MLF1: variants seen among roughly 807,000 people sequenced by gnomAD.
MLF1 encodes myeloid leukemia factor 1, also known as myelodysplasia-myeloid leukemia factor 1.
Under a neutral mutation model 38.3 loss-of-function variants are expected in MLF1, and 37 were observed. That is an observed-to-expected ratio of 0.96 (90% CI 0.74 to 1.27). MLF1 has a LOEUF of 1.27. Among genes scored for constraint, MLF1 ranks in the 50% most tolerant of loss-of-function variants. MLF1 has a pLI of 0.00. For synonymous variants in MLF1, 95 were observed against 106.5 expected (o/e 0.89, Z 0.66); for missense variants, 331 against 349.2 (o/e 0.95, Z 0.42).
rs1560104824 is a variant in MLF1, at chr3:158,590,836, C to T, written c.48-1598C>T. 6.7e-6 allele frequency: 3 copies of T among 449,210 alleles called. No individual in the cohort carries two copies. In the Admixed American group the frequency reaches 7.4e-5, roughly 11 times the overall value. The allele number at this position is 449,210 out of a possible 1,614,324, so 27.8% of individuals were successfully genotyped here. On this transcript the variant is annotated intron_variant, in intron 1 of 7. Transcript: ENST00000466246. ...ACTGCACTTTTTAAAATTCATCAAA[C>T]TGTACAACAAAATTGGTAAATTTCG...
Position 158,596,852 on chromosome 3 carries a change from T to A in MLF1, c.241-10T>A. The stretch of plus-strand genomic sequence containing the variant: ...CTACAGTTAATAACATACTTCCTGA[T>A]ATTCTGTAGCATACAGATGTCAGCT... On this transcript the variant is annotated splice_polypyrimidine_tract_variant and intron_variant, in intron 3 of 7. Coordinates refer to ENST00000466246, the MANE Select transcript of MLF1 (RefSeq NM_001369783.1). 1 of 1,581,486 alleles carries A rather than the reference T, an allele frequency of 6.3e-7. No individual in the cohort carries two copies. Among genetic ancestry groups the A allele is most frequent in the Non-Finnish European group, 8.7e-7 (1 of 1,154,160 alleles).
At chr3:158,604,992 A>T in intron 7 of MLF1, 105 bp from the exon 8 acceptor site, 1 of 872,572 alleles carries the variant, frequency 1.1e-6, no homozygotes, top group Non-Finnish European at 1.7e-6. Flanking sequence ...AATTTTTAAG[A>T]TAAAACTTTT....
rs199951975 is a variant in MLF1, at chr3:158,598,159, C to T, written c.404C>T (p.Pro135Leu). ...VMTYSKIGDE[P>L]PKVFQASTQT... Reference sequence around the variant, plus strand: ...ACTTATTCCAAAATAGGAGATGAACCGCCAAAGGTTTTTCAGGCCTCAACT... The same window carrying T: ...ACTTATTCCAAAATAGGAGATGAACTGCCAAAGGTTTTTCAGGCCTCAACT... The change falls in exon 5 of 8, where the codon CCG becomes CTG. Residue 135 changes from proline (P) to leucine (L), a missense_variant. Transcript: ENST00000466246. 4 of 1,613,816 alleles carry T rather than the reference C, an allele frequency of 2.5e-6. No individual in the cohort carries two copies. The highest frequency in any genetic ancestry group is 4.5e-5 in the East Asian group (2 of 44,852).
chr3:158,583,076 A>G (rs1319449053), intron 1 of MLF1: 12 of 508,380 alleles, frequency 2.4e-5, no homozygotes, highest in Admixed American at 4.0e-5. Context: ...CCAAGTGTAT[A>G]TCCCGGCCTT....
chr3:158,592,645 C>T, intron 2 of MLF1, 64 bp downstream of exon 2: 1 of 1,287,142 alleles, frequency 7.8e-7, no homozygotes, highest in Admixed American at 2.0e-5. Context: ...AAAAGTATTA[C>T]AGAAGTATAT....
chr3:158,574,708 T>C (rs1231773736), intron 1 of MLF1, among the ~76,000 whole-genome samples: 2 of 151,176 alleles, frequency 1.3e-5, no homozygotes, highest in Non-Finnish European at 2.9e-5. Flanking sequence ...AAAAAGAATA[T>C]TTAGCCAGAG....
intron 1 of MLF1, chr3:158,591,098 A>G (rs1718051048): frequency 1.9e-6 from 1 of 514,814 alleles, no homozygotes; most frequent in Non-Finnish European, 3.9e-6. Context: ...AGCAGAAGAC[A>G]GAATTTTTGA....
intron 3 of MLF1, among the ~76,000 whole-genome samples, chr3:158,594,986 C>T (rs550479523): frequency 2.4e-4 from 36 of 152,086 alleles, no homozygotes; most frequent in African/African-American, 7.7e-4. Flanking sequence ...TCATTCATTC[C>T]GCAAATATTT....
At chr3:158,574,684 C>CAA (rs59567882) in intron 1 of MLF1, among the ~76,000 whole-genome samples, 3 of 108,818 alleles carry the variant, frequency 2.8e-5, no homozygotes, top group South Asian at 2.9e-4. Context: ...AACACTGTCT[C>CAA]AAAAAAAAAA....
chr3:158,582,517 C>CA (rs898486931), intron 1 of MLF1: 122 of 207,218 alleles, frequency 5.9e-4, no homozygotes, highest in African/African-American at 6.8e-4. Flanking sequence ...AGAATAAATG[C>CA]AAAAAAAAAT....
At chr3:158,596,979 T>TG in intron 4 of MLF1, 34 bp downstream of exon 4, 3 of 1,358,612 alleles carry the variant, frequency 2.2e-6, no homozygotes, top group Non-Finnish European at 3.1e-6. Flanking sequence ...GAGAACATTG[T>TG]GTATACTTTG....
intron 2 of MLF1, 141 bp downstream of exon 2, chr3:158,592,722 C>A: frequency 1.4e-6 from 1 of 690,306 alleles, no homozygotes; most frequent in Non-Finnish European, 2.2e-6. Context: ...AAGGGGGGAC[C>A]TTTGGAAAGG....
chr3:158,596,902 T>C lies in MLF1; in HGVS notation c.281T>C (p.Val94Ala). The change falls in exon 4 of 8, where the codon GTG becomes GCG. Residue 94 changes from valine to alanine, a missense_variant. By Grantham distance (64) the Val-to-Ala change is moderately conservative. Transcript: ENST00000466246. ...VSSFQTMDQM[V>A]SNMRNYMQKL... is the part of the protein sequence containing the mutation. ...TCTTTCCAGACAATGGACCAAATGGTGTCAAATATGAGAAACTATATGCAG... is the reference window on the plus strand; with the variant it reads ...TCTTTCCAGACAATGGACCAAATGGCGTCAAATATGAGAAACTATATGCAG... 2 of 1,609,894 alleles carry C rather than the reference T, an allele frequency of 1.2e-6. No individual in the cohort carries two copies. The highest frequency in any genetic ancestry group is 1.7e-6 in the Non-Finnish European group (2 of 1,177,402).
rs1322372705 is a variant in MLF1 at position 158,587,441 on chromosome 3, C to T, written c.48-4993C>T. On this transcript the variant is annotated intron_variant, in intron 1 of 7. Coordinates refer to ENST00000466246, the MANE Select transcript of MLF1 (RefSeq NM_001369783.1). Reference sequence around the variant, plus strand: ...GCTGCCCCAAGGCTGAGAGTATCAACATTTTGAGACACCAGTAACCTATCT... The same window carrying T: ...GCTGCCCCAAGGCTGAGAGTATCAATATTTTGAGACACCAGTAACCTATCT... Among the ~76,000 whole-genome samples the T allele has an allele frequency of 2.6e-5, 4 of 152,168 alleles. No individual in the cohort carries two copies. The East Asian group carries it at 7.7e-4, about 29-fold the overall frequency.
At chr3:158,601,556 C>T (rs1363091388) in intron 6 of MLF1, among the ~76,000 whole-genome samples, 5 of 150,304 alleles carry the variant, frequency 3.3e-5, no homozygotes, top group Non-Finnish European at 7.4e-5. Flanking sequence ...GGCGACAGAG[C>T]GAGACTCTGT....
At chr3:158,577,855 T>C (rs1466321554) in intron 1 of MLF1, among the ~76,000 whole-genome samples, 4 of 152,196 alleles carry the variant, frequency 2.6e-5, no homozygotes, top group Non-Finnish European at 1.5e-5. Flanking sequence ...GAGTGAACTA[T>C]TTATAGAATA....
At chr3:158,589,059 TTC>T (rs1717747017) in intron 1 of MLF1, 1 of 358,172 alleles carries the variant, frequency 2.8e-6, no homozygotes, top group East Asian at 7.6e-5. Flanking sequence ...GTGGAGATTT[TTC>T]TCTGTGTAGC....
intron 5 of MLF1, among the ~76,000 whole-genome samples, chr3:158,599,394 A>G (rs1719400548): frequency 6.6e-6 from 1 of 152,210 alleles, no homozygotes; most frequent in Non-Finnish European, 1.5e-5. Flanking sequence ...AGGTTTACCA[A>G]TCTAATGAAT....
At chr3:158,588,458 G>C (rs1470367870) in intron 1 of MLF1, among the ~76,000 whole-genome samples, 1 of 152,222 alleles carries the variant, frequency 6.6e-6, no homozygotes, top group East Asian at 1.9e-4. Context: ...AAAATTAGCT[G>C]GGTGTGGTGG....
Sources: gnomAD v4.1 joint callset for allele counts (sites outside exome capture counted in the v4.1 genomes callset) on GRCh38, gnomAD v4.1.1 for gene constraint, MANE v1.5 for transcripts, NCBI Gene and HGNC (gene_info 2026-07-23, HGNC 2026-07-21) for gene names.